LRP1B: variants seen among roughly 807,000 people sequenced by gnomAD.
LRP1B encodes the protein low-density lipoprotein receptor-related protein 1B.
In LRP1B, 217 loss-of-function variants were observed where a neutral mutation model predicts 556.6. The observed-to-expected ratio is 0.39, with a 90% CI of 0.35 to 0.44. LRP1B has a LOEUF of 0.44. Ranked by LOEUF, LRP1B falls within the 20% of genes least tolerant of loss-of-function variation. LRP1B has a pLI of 1.00. For synonymous variants in LRP1B, 2,047 were observed against 1,865.8 expected (o/e 1.10, Z -2.50); for missense variants, 5,053 against 5,620.8 (o/e 0.90, Z 3.23).
intron 6 of LRP1B, among the ~76,000 whole-genome samples, chr2:141,223,819 T>A (rs192514411): frequency 1.7e-3 from 265 of 152,302 alleles, no homozygotes; most frequent in African/African-American, 5.6e-3. Flanking sequence ...CTGGGCAAAC[T>A]GGCTAGCCAT....
At chr2:142,079,288 T>A (rs1705625419) in intron 1 of LRP1B, among the ~76,000 whole-genome samples, 1 of 151,834 alleles carries the variant, frequency 6.6e-6, no homozygotes, top group Admixed American at 6.6e-5. Flanking sequence ...GTGTGTTGAG[T>A]TATTTTGCCA....
At chr2:140,922,196 C>T (rs142466224) in intron 21 of LRP1B, among the ~76,000 whole-genome samples, 124 of 152,146 alleles carry the variant, frequency 8.2e-4, no homozygotes, top group Admixed American at 2.4e-3. Context: ...ATCATTTCAA[C>T]TGGTACCCAG....
At chr2:141,798,785 C>T (rs1057091536) in intron 2 of LRP1B, among the ~76,000 whole-genome samples, 1 of 151,360 alleles carries the variant, frequency 6.6e-6, no homozygotes, top group Non-Finnish European at 1.5e-5. Context: ...ATTGGTCCTC[C>T]CAAAATTCAT....
chr2:141,544,368 T>TTCTTCTTCTTCTTCC (rs1559131474), intron 2 of LRP1B, among the ~76,000 whole-genome samples: 1 of 109,868 alleles, frequency 9.1e-6, no homozygotes, highest in African/African-American at 3.1e-5. Context: ...CTTCTTCTTC[T>TTCTTCTTCTTCTTCC]TCTTCTTCTT....
At position 140,813,760 on chromosome 2, in the gene LRP1B, T is replaced by C. The variant is rs3749010; in HGVS notation, c.5256A>G (p.Ser1752=). Residue 1752 remains serine (S), a synonymous_variant, in exon 32 of 91, where the codon TCA becomes TCG. Transcript: ENST00000389484. The part of the protein sequence containing the change: ...YVENKLYWIS[S]GNGTINRCNL... Reference sequence around the variant, plus strand: ...TGCATCTATTTATGGTTCCATTCCCTGAACTGATCCAATAAAGCTTGTTTT... The same window carrying C: ...TGCATCTATTTATGGTTCCATTCCCCGAACTGATCCAATAAAGCTTGTTTT... The C allele has an allele frequency of 0.88, 1,418,728 of 1,608,172 alleles. 627,614 individuals are homozygous for C. Among genetic ancestry groups the C allele is most frequent in the East Asian group, 0.97 (43,558 of 44,786 alleles).
intron 41 of LRP1B, among the ~76,000 whole-genome samples, chr2:140,687,522 T>G (rs1686090916): frequency 1.3e-5 from 2 of 151,828 alleles, no homozygotes; most frequent in Admixed American, 1.3e-4. Flanking sequence ...AAAACTCAAC[T>G]AAGAAAAAAA....
At chr2:141,274,047 T>C (rs1357469445) in intron 3 of LRP1B, among the ~76,000 whole-genome samples, 1 of 152,186 alleles carries the variant, frequency 6.6e-6, no homozygotes, top group Admixed American at 6.5e-5. Flanking sequence ...GTTATAATCA[T>C]AGTGACAGAC....
chr2:141,842,334 G>A (rs186152398), intron 1 of LRP1B, among the ~76,000 whole-genome samples: 14 of 152,074 alleles, frequency 9.2e-5, no homozygotes, highest in Non-Finnish European at 1.6e-4. Context: ...AGAGAAAGAA[G>A]AGCCTAAAGA....
chr2:140,353,684 G>C (rs533851656), intron 75 of LRP1B, among the ~76,000 whole-genome samples: 7 of 152,108 alleles, frequency 4.6e-5, no homozygotes, highest in African/African-American at 1.7e-4. Flanking sequence ...TCCAGTTTTT[G>C]CTCTCCTGGT....
At chr2:140,784,369 T>A (rs1391167972) in intron 32 of LRP1B, among the ~76,000 whole-genome samples, 1 of 97,156 alleles carries the variant, frequency 1.0e-5, no homozygotes, top group Non-Finnish European at 2.2e-5. Context: ...ATTGGAGGAT[T>A]CTGCCTCCAC....
intron 7 of LRP1B, among the ~76,000 whole-genome samples, chr2:141,122,044 C>A (rs1266097661): frequency 1.3e-5 from 2 of 152,090 alleles, no homozygotes; most frequent in East Asian, 3.9e-4. Flanking sequence ...GACTGGCTAG[C>A]CGTATGTAGA....
chr2:141,084,482 T>A (rs1307012774), intron 7 of LRP1B, among the ~76,000 whole-genome samples: 1 of 152,232 alleles, frequency 6.6e-6, no homozygotes, highest in Non-Finnish European at 1.5e-5. Context: ...GGCAAACTTC[T>A]ACCAATTATA....
chr2:141,879,952 A>T (rs1011557448), intron 1 of LRP1B, among the ~76,000 whole-genome samples: 5 of 146,086 alleles, frequency 3.4e-5, no homozygotes, highest in African/African-American at 1.2e-4. Context: ...TATACATATG[A>T]ACACATTTCT....
chr2:140,434,486 A>G (rs1335188150), intron 66 of LRP1B, among the ~76,000 whole-genome samples: 1 of 152,222 alleles, frequency 6.6e-6, no homozygotes, highest in Admixed American at 6.5e-5. Context: ...TATTAATTAG[A>G]GAGGTAATAT....
intron 11 of LRP1B, among the ~76,000 whole-genome samples, chr2:141,026,171 A>G (rs1236384424): frequency 6.6e-6 from 1 of 152,136 alleles, no homozygotes; most frequent in Non-Finnish European, 1.5e-5. Flanking sequence ...TATAATTTAT[A>G]AAAGTAAAAC....
Position 140,434,869 on chromosome 2 carries a change from T to A in LRP1B, c.10414+7635A>T, listed in dbSNP as rs1260554121. ...TTTTCATAGCGAAATCTAACACCAT[T>A]TGGATCTTCAAACTGATGTTAACAT... On this transcript the variant is annotated intron_variant, in intron 66 of 90. Coordinates refer to ENST00000389484, the MANE Select transcript of LRP1B (RefSeq NM_018557.3). Among the ~76,000 whole-genome samples, 8 of 152,326 alleles carry A rather than the reference T, an allele frequency of 5.3e-5. 1 individual carries two copies. The East Asian group carries it at 5.8e-4, about 11-fold the overall frequency.
At chr2:142,107,541 C>A (rs952905268) in intron 1 of LRP1B, among the ~76,000 whole-genome samples, 1 of 152,124 alleles carries the variant, frequency 6.6e-6, no homozygotes, top group African/African-American at 2.4e-5. Context: ...CTAGTCTCAA[C>A]GTTTTTGTTT....
chr2:141,675,853 G>A (rs1196533869), intron 2 of LRP1B, among the ~76,000 whole-genome samples: 2 of 151,780 alleles, frequency 1.3e-5, no homozygotes, highest in African/African-American at 2.4e-5. Flanking sequence ...TGTTTCCAAC[G>A]TTTGTAATTT....
intron 35 of LRP1B, among the ~76,000 whole-genome samples, chr2:140,728,205 A>G (rs969835765): frequency 2.0e-5 from 3 of 152,184 alleles, no homozygotes; most frequent in Non-Finnish European, 4.4e-5. Flanking sequence ...TATCAAGGTA[A>G]TAAAAAGAAT....
Sources: gnomAD v4.1 joint callset for allele counts (sites outside exome capture counted in the v4.1 genomes callset) on GRCh38, gnomAD v4.1.1 for gene constraint, MANE v1.5 for transcripts, NCBI Gene and HGNC (gene_info 2026-07-23, HGNC 2026-07-21) for gene names.